Variants in CORO1C observed in about 807,000 individuals in gnomAD.
CORO1C encodes coronin 1C.
A neutral mutation model predicts 51.2 loss-of-function variants in CORO1C; 14 were observed. The observed-to-expected ratio is 0.27, with a 90% CI of 0.18 to 0.43. CORO1C has a LOEUF of 0.43. Ranked by LOEUF, CORO1C falls within the 20% of genes least tolerant of loss-of-function variation. CORO1C has a pLI of 1.00. For synonymous variants in CORO1C, 181 were observed against 210.5 expected, an observed-to-expected ratio of 0.86 and a Z score of 1.21; for missense variants, 417 against 607.8, an observed-to-expected ratio of 0.69 and a Z score of 3.30.
chr12:108,719,457 C>T (rs747777451), intron 1 of CORO1C, among the ~76,000 whole-genome samples: 4 of 152,164 alleles, frequency 2.6e-5, no homozygotes, highest in African/African-American at 7.2e-5. Context: ...AACTCCTAAG[C>T]GATTAGATCA....
Position 108,658,187 on chromosome 12 carries a change from C to CATTTATTT in CORO1C, c.630+543_630+550dup, listed in dbSNP as rs377235373. Among the ~76,000 whole-genome samples, 119 of 152,092 alleles carry CATTTATTT rather than the reference C, an allele frequency of 7.8e-4. No homozygotes were observed. The highest frequency in any genetic ancestry group is 2.7e-3 in the African/African-American group (114 of 41,494). ...AGAACTTGTTGCTTTTCGCCCTGCGCATTTATTTATTTATTTATTTATTTA... is the reference window on the plus strand; with the variant it reads ...AGAACTTGTTGCTTTTCGCCCTGCGCATTTATTTATTTATTTATTTATTTATTTATTTA... On this transcript the variant is annotated intron_variant, in intron 5 of 10. Coordinates refer to ENST00000261401, the MANE Select transcript of CORO1C (RefSeq NM_014325.4). The surrounding 1 kb of genome is among the most constrained non-coding windows in gnomAD (Gnocchi z 4.9).
intron 1 of CORO1C, among the ~76,000 whole-genome samples, chr12:108,729,091 G>A (rs1467570737): frequency 3.3e-5 from 5 of 152,114 alleles, no homozygotes; most frequent in Non-Finnish European, 7.4e-5. Flanking sequence ...GAAGAGACTC[G>A]TCGACATACC....
chr12:108,659,213 A>C lies in CORO1C; in HGVS notation c.449-294T>G, dbSNP rs111873279. On this transcript the variant is annotated intron_variant, in intron 4 of 10. Transcript: ENST00000261401. ...TCATATGAAACAATCAACCAAACAA[A>C]AACAAAGAACCACACCAAAACAGAA... is the stretch of plus-strand genomic sequence containing the variant. 7.9e-3 allele frequency among the ~76,000 whole-genome samples: 1,209 copies of C among 152,342 alleles called. 19 individuals carry two copies. Among genetic ancestry groups the C allele is most frequent in the African/African-American group, 0.027 (1,119 of 41,592 alleles).
chr12:108,723,712 C>T (rs1229435412), intron 1 of CORO1C, among the ~76,000 whole-genome samples: 2 of 152,232 alleles, frequency 1.3e-5, no homozygotes, highest in African/African-American at 2.4e-5. Context: ...CATTGTGAAA[C>T]AATAATCAAC....
chr12:108,730,872 G>A (rs954136107), intron 1 of CORO1C: 3 of 152,676 alleles, frequency 2.0e-5, no homozygotes, highest in African/African-American at 7.3e-5. Context: ...CGCAGGCCAG[G>A]CGGCCGCCCT....
chr12:108,691,143 C>T (rs189655299), intron 2 of CORO1C, among the ~76,000 whole-genome samples: 1 of 152,190 alleles, frequency 6.6e-6, no homozygotes, highest in East Asian at 1.9e-4. Flanking sequence ...TGAGTCAGTT[C>T]CACACAAGCA....
intron 6 of CORO1C, 151 bp downstream of exon 6, chr12:108,657,153 C>T (rs1014902187): frequency 5.1e-6 from 5 of 981,158 alleles, no homozygotes; most frequent in Middle Eastern, 2.6e-4. Flanking sequence ...AAGTCTCCAA[C>T]GAGGATAAGA....
Position 108,647,413 on chromosome 12 carries a change from A to G in CORO1C, c.1415T>C (p.Ile472Thr), listed in dbSNP as rs1424981338. Residue 472 changes from isoleucine to threonine, a missense_variant, in exon 11 of 11, where the codon ATA (isoleucine) becomes ACA (threonine). Transcript: ENST00000261401. ...ISKLEQQMAK[I>T]AA is the part of the protein sequence containing the mutation. ...GTGGGGGTGGGACCTTCAGGCTGCT[A>G]TCTTTGCCATCTGCTGTTCTAACTT... is the stretch of plus-strand genomic sequence containing the variant. 3.1e-6 allele frequency: 5 copies of G among 1,613,552 alleles called. No individual in the cohort carries two copies. The highest frequency in any genetic ancestry group is 4.2e-6 in the Non-Finnish European group (5 of 1,179,838).
chr12:108,672,476 C>T (rs150487345), intron 3 of CORO1C, among the ~76,000 whole-genome samples: 126 of 151,656 alleles, frequency 8.3e-4, no homozygotes, highest in African/African-American at 2.9e-3. Context: ...ACATGTATAA[C>T]GTGAAAAGAC....
At chr12:108,728,678 G>A (rs1420415404) in intron 1 of CORO1C, among the ~76,000 whole-genome samples, 1 of 152,166 alleles carries the variant, frequency 6.6e-6, no homozygotes, top group African/African-American at 2.4e-5. Context: ...AAGGAGTACA[G>A]AATCTTGTTC....
intron 1 of CORO1C, among the ~76,000 whole-genome samples, chr12:108,715,326 G>A (rs1417682853): frequency 6.6e-6 from 1 of 151,964 alleles, no homozygotes; most frequent in African/African-American, 2.4e-5. Context: ...GCCATAATGA[G>A]GCCTGTAACT....
chr12:108,671,982 T>G (rs986672530), intron 3 of CORO1C, among the ~76,000 whole-genome samples: 1 of 152,146 alleles, frequency 6.6e-6, no homozygotes, highest in Admixed American at 6.5e-5. Flanking sequence ...AGGCTGGTCT[T>G]GAACTCCTGG....
At chr12:108,660,936 G>A (rs1325805896) in intron 4 of CORO1C, among the ~76,000 whole-genome samples, 1 of 152,130 alleles carries the variant, frequency 6.6e-6, no homozygotes, top group African/African-American at 2.4e-5. Context: ...CATAAACATT[G>A]TGTATTCCCA....
intron 1 of CORO1C, among the ~76,000 whole-genome samples, chr12:108,719,789 T>G (rs1044589787): frequency 6.6e-6 from 1 of 152,262 alleles, no homozygotes; most frequent in African/African-American, 2.4e-5. Flanking sequence ...ACCTTAACTT[T>G]AAATCCCCTT....
chr12:108,655,818 G>T (rs1442384810), intron 6 of CORO1C, among the ~76,000 whole-genome samples: 4 of 152,212 alleles, frequency 2.6e-5, no homozygotes, highest in Non-Finnish European at 5.9e-5. Flanking sequence ...TGGGAGGTGA[G>T]GGGCATCTCT....
intron 3 of CORO1C, among the ~76,000 whole-genome samples, chr12:108,674,852 G>C (rs2033849618): frequency 6.6e-6 from 1 of 152,218 alleles, no homozygotes; most frequent in Non-Finnish European, 1.5e-5. Flanking sequence ...TAACGACGCT[G>C]TGAACACTGT....
intron 3 of CORO1C, among the ~76,000 whole-genome samples, chr12:108,673,968 C>T (rs1438472191): frequency 6.6e-6 from 1 of 152,024 alleles, no homozygotes; most frequent in Non-Finnish European, 1.5e-5. Flanking sequence ...AATGACAGCA[C>T]ATCTGTTTAC....
At chr12:108,709,257 G>A (rs1472799773) in intron 1 of CORO1C, among the ~76,000 whole-genome samples, 2 of 152,032 alleles carry the variant, frequency 1.3e-5, no homozygotes, top group African/African-American at 4.8e-5. Context: ...AGTACATACT[G>A]TCTAACAAAT....
At chr12:108,715,344 AAT>A (rs1485666802) in intron 1 of CORO1C, among the ~76,000 whole-genome samples, 1 of 152,224 alleles carries the variant, frequency 6.6e-6, no homozygotes, top group African/African-American at 2.4e-5. Context: ...ACTCACTTAA[AAT>A]ATAATAGAAA....
Sources: gnomAD v4.1 joint callset for allele counts (sites outside exome capture counted in the v4.1 genomes callset) on GRCh38, gnomAD v4.1.1 for gene constraint, Gnocchi (gnomAD v3.1) non-coding constraint, MANE v1.5 for transcripts, NCBI Gene and HGNC (gene_info 2026-07-23, HGNC 2026-07-21) for gene names.